Variants in ADAMTSL1 observed in about 807,000 individuals in gnomAD.
ADAMTSL1 encodes ADAMTS-like protein 1.
In ADAMTSL1, 126 loss-of-function variants were observed where a neutral mutation model predicts 201.8. The ratio of observed to expected loss-of-function variants is 0.62; its 90% CI spans 0.54 to 0.72. ADAMTSL1 has a LOEUF of 0.72. ADAMTSL1 is among the 30% of genes least tolerant of loss of function. The pLI, the probability that ADAMTSL1 is intolerant of heterozygous loss-of-function variation, is 0.00. For synonymous variants in ADAMTSL1, 1,121 were observed against 903.4 expected (o/e 1.24, Z -4.32); for missense variants, 2,679 against 2,277.8 (o/e 1.18, Z -3.59).
At chr9:18,784,041 T>C (rs892908479) in intron 19 of ADAMTSL1, among the ~76,000 whole-genome samples, 1 of 152,326 alleles carries the variant, frequency 6.6e-6, no homozygotes, top group East Asian at 1.9e-4. Flanking sequence ...TCCAGCTTCA[T>C]CTCTTACCAT....
intron 26 of ADAMTSL1, among the ~76,000 whole-genome samples, chr9:18,894,849 G>A (rs1829518837): frequency 6.6e-6 from 1 of 152,098 alleles, no homozygotes; most frequent in African/African-American, 2.4e-5. Flanking sequence ...AAAGGCACAG[G>A]ACAGAACCCT....
At chr9:18,544,605 A>G (rs1261333713) in intron 3 of ADAMTSL1, among the ~76,000 whole-genome samples, 1 of 152,164 alleles carries the variant, frequency 6.6e-6, no homozygotes, top group Non-Finnish European at 1.5e-5. Flanking sequence ...ATGAGCTGGC[A>G]TTCCTGGCCT....
chr9:18,826,002 C>T, intron 21 of ADAMTSL1: 1 of 575,482 alleles, frequency 1.7e-6, no homozygotes, highest in East Asian at 2.8e-5. Flanking sequence ...TGGCCTCCCT[C>T]TTCCTGTCTC....
intron 2 of ADAMTSL1, among the ~76,000 whole-genome samples, chr9:18,418,634 A>G (rs1818799953): frequency 6.6e-6 from 1 of 152,222 alleles, no homozygotes; most frequent in Admixed American, 6.5e-5. Context: ...TAGGGCTAAC[A>G]AAATATGTAT....
intron 15 of ADAMTSL1, among the ~76,000 whole-genome samples, chr9:18,735,029 T>C (rs566175152): frequency 6.6e-6 from 1 of 152,352 alleles, no homozygotes; most frequent in East Asian, 1.9e-4. Flanking sequence ...TTAACTTTTA[T>C]TAAACCTCTG....
intron 15 of ADAMTSL1, among the ~76,000 whole-genome samples, chr9:18,738,275 G>A (rs1865269): frequency 0.034 from 5,174 of 152,212 alleles, 98 homozygotes; most frequent in African/African-American, 0.053. Flanking sequence ...ACTATGGAAA[G>A]GAATTGAGTA....
chr9:18,494,970 G>C (rs1822458769), intron 1 of ADAMTSL1, among the ~76,000 whole-genome samples: 1 of 152,188 alleles, frequency 6.6e-6, no homozygotes, highest in Admixed American at 6.5e-5. Flanking sequence ...TGGGAAGAGA[G>C]GCTGGAGGTC....
At chr9:18,644,370 A>T (rs894917955) in intron 7 of ADAMTSL1, among the ~76,000 whole-genome samples, 2 of 143,258 alleles carry the variant, frequency 1.4e-5, no homozygotes, top group Admixed American at 7.1e-5. Flanking sequence ...ATGGAATTTT[A>T]TTTTTTTTAT....
intron 1 of ADAMTSL1, among the ~76,000 whole-genome samples, chr9:18,014,871 T>C (rs959247464): frequency 4.6e-5 from 7 of 152,000 alleles, no homozygotes; most frequent in Non-Finnish European, 1.0e-4. Flanking sequence ...GAAAATCACT[T>C]ACTCTGTGGG....
intron 2 of ADAMTSL1, among the ~76,000 whole-genome samples, chr9:18,526,873 C>G (rs542696779): frequency 6.6e-6 from 1 of 152,244 alleles, no homozygotes; most frequent in East Asian, 1.9e-4. Context: ...TATGGTCGCT[C>G]TAAGATCCAC....
At chr9:18,154,138 G>C (rs1216982049) in intron 1 of ADAMTSL1, among the ~76,000 whole-genome samples, 1 of 151,684 alleles carries the variant, frequency 6.6e-6, no homozygotes, top group Non-Finnish European at 1.5e-5. Flanking sequence ...CCCCTTTTTT[G>C]TGCTTCTGAA....
chr9:18,293,784 G>A (rs1833366382), intron 2 of ADAMTSL1, among the ~76,000 whole-genome samples: 1 of 152,154 alleles, frequency 6.6e-6, no homozygotes, highest in Non-Finnish European at 1.5e-5. Context: ...CCCATAAAGT[G>A]AGTCTTAGTT....
At chr9:18,755,638 T>C (rs1257471954) in intron 16 of ADAMTSL1, among the ~76,000 whole-genome samples, 5 of 152,174 alleles carry the variant, frequency 3.3e-5, no homozygotes, top group Non-Finnish European at 7.4e-5. Context: ...TTTTGGTCAA[T>C]TGCCATCACC....
chr9:17,962,519 A>G (rs924099592), intron 1 of ADAMTSL1, among the ~76,000 whole-genome samples: 8 of 152,164 alleles, frequency 5.3e-5, no homozygotes, highest in Admixed American at 1.3e-4. Context: ...CCTGCTATCT[A>G]TGTGTAAAGA....
At chr9:18,480,868 G>A (rs1041902402) in intron 1 of ADAMTSL1, among the ~76,000 whole-genome samples, 4 of 152,260 alleles carry the variant, frequency 2.6e-5, no homozygotes, top group South Asian at 4.2e-4. Context: ...ATAGAATCTG[G>A]AAGTGGATGA....
intron 1 of ADAMTSL1, among the ~76,000 whole-genome samples, chr9:17,979,816 G>A (rs1475548591): frequency 2.4e-4 from 36 of 152,120 alleles, no homozygotes; most frequent in South Asian, 2.1e-4. Context: ...AGGGATTCTG[G>A]TTCAGTCAGC....
chr9:18,311,063 A>G (rs1834134059), intron 2 of ADAMTSL1, among the ~76,000 whole-genome samples: 1 of 152,120 alleles, frequency 6.6e-6, no homozygotes, highest in African/African-American at 2.4e-5. Flanking sequence ...AGGGACATGG[A>G]TGAAGCTGGA....
chr9:18,834,008 C>T (rs1408643790), intron 23 of ADAMTSL1, among the ~76,000 whole-genome samples: 1 of 151,984 alleles, frequency 6.6e-6, no homozygotes, highest in African/African-American at 2.4e-5. Flanking sequence ...AGGTATATGG[C>T]CTTATTTCTG....
At chr9:18,195,224 T>C (rs1044282846) in intron 2 of ADAMTSL1, among the ~76,000 whole-genome samples, 1 of 152,136 alleles carries the variant, frequency 6.6e-6, no homozygotes, top group Non-Finnish European at 1.5e-5. Context: ...TCAATGGAAG[T>C]GGTTCTACCC....
Sources: gnomAD v4.1 joint callset for allele counts (sites outside exome capture counted in the v4.1 genomes callset) on GRCh38, gnomAD v4.1.1 for gene constraint, MANE v1.5 for transcripts, NCBI Gene and HGNC (gene_info 2026-07-23, HGNC 2026-07-21) for gene names.